The following HIVEP3 variants were observed in gnomAD, a reference collection of about 807,000 sequenced individuals.
HIVEP3 encodes the protein HIVEP zinc finger 3, also known as transcription factor HIVEP3.
HIVEP3 carries 49 observed loss-of-function variants against 152.8 expected under a neutral mutation model. The ratio of observed to expected loss-of-function variants is 0.32; its 90% CI spans 0.26 to 0.41. HIVEP3 has a LOEUF of 0.41. HIVEP3 is among the 10% of genes least tolerant of loss of function. The pLI is 1.00. For missense variants in HIVEP3, 2,790 were observed against 3,103.3 expected, an observed-to-expected ratio of 0.90 and a Z score of 2.40; for synonymous variants, 1,269 against 1,289.0, an observed-to-expected ratio of 0.98 and a Z score of 0.33.
chr1:41,773,317 G>A (rs1189226673), intron 1 of HIVEP3, among the ~76,000 whole-genome samples: 3 of 152,214 alleles, frequency 2.0e-5, no homozygotes, highest in Admixed American at 6.5e-5. Context: ...TATTCTCTCT[G>A]CTGGGCAAGG....
In HIVEP3 at chr1:41,926,333, C is replaced by T. The variant is rs114400750; in HGVS notation, n.120-7809G>A. 1.8e-3 allele frequency among the ~76,000 whole-genome samples: 271 copies of T among 152,242 alleles called. 1 individual carries two copies. Among genetic ancestry groups the T allele is most frequent in the African/African-American group, 6.3e-3 (262 of 41,536 alleles). ...CCCACTACAAGACCTTACATTTAGC[C>T]CTATTATGTTTCATATTATTCGAAT... is the stretch of plus-strand genomic sequence containing the variant. On this transcript the variant is annotated intron_variant and non_coding_transcript_variant, in intron 1 of 3. Coordinates refer to the HIVEP3 transcript ENST00000489103.
chr1:42,021,238 G>C (rs1645551879), intron 1 of HIVEP3, among the ~76,000 whole-genome samples: 1 of 152,096 alleles, frequency 6.6e-6, no homozygotes, highest in South Asian at 2.1e-4. Context: ...GTGCTGGCTT[G>C]GACTATGTTG....
intron 3 of HIVEP3, among the ~76,000 whole-genome samples, chr1:41,621,723 G>T (rs1054028977): frequency 1.6e-4 from 24 of 152,218 alleles, no homozygotes; most frequent in African/African-American, 5.8e-4. Flanking sequence ...TCACTACCTT[G>T]CCCATTCTAG....
chr1:41,737,252 G>A (rs554701612), intron 1 of HIVEP3, among the ~76,000 whole-genome samples: 1 of 152,312 alleles, frequency 6.6e-6, no homozygotes, highest in Admixed American at 6.5e-5. Flanking sequence ...GGGATGAATA[G>A]TACTACTGGC....
At chr1:41,965,807 C>A (rs181094190) in intron 1 of HIVEP3, among the ~76,000 whole-genome samples, 1 of 152,272 alleles carries the variant, frequency 6.6e-6, no homozygotes, top group African/African-American at 2.4e-5. Flanking sequence ...AAACATACAT[C>A]AAAATATCAT....
At chr1:41,734,799 C>T (rs1159765352) in intron 1 of HIVEP3, among the ~76,000 whole-genome samples, 1 of 152,138 alleles carries the variant, frequency 6.6e-6, no homozygotes, top group Admixed American at 6.5e-5. Flanking sequence ...TATCCACCAA[C>T]GTGGGTGGCT....
chr1:41,909,911 T>C (rs144845525), intron 1 of HIVEP3, among the ~76,000 whole-genome samples: 1 of 152,158 alleles, frequency 6.6e-6, no homozygotes, highest in Non-Finnish European at 1.5e-5. Flanking sequence ...CAGAACCAAA[T>C]TATATACAAA....
intron 3 of HIVEP3, among the ~76,000 whole-genome samples, chr1:41,601,114 T>G (rs1644742489): frequency 6.6e-6 from 1 of 152,210 alleles, no homozygotes; most frequent in Non-Finnish European, 1.5e-5. Flanking sequence ...TTGGTCTACA[T>G]GTCTGTCTTT....
chr1:41,986,077 T>C (rs1315898232), intron 1 of HIVEP3, among the ~76,000 whole-genome samples: 1 of 152,214 alleles, frequency 6.6e-6, no homozygotes, highest in African/African-American at 2.4e-5. Flanking sequence ...TCCAATTACA[T>C]GATGTGGCTC....
intron 2 of HIVEP3, among the ~76,000 whole-genome samples, chr1:41,655,582 CAAAAAA>C (rs55918119): frequency 0.076 from 4,341 of 57,458 alleles, 311 homozygotes; most frequent in East Asian, 0.41. Context: ...CACTCCATCT[CAAAAAA>C]AAAAAAAAAA....
intron 1 of HIVEP3, among the ~76,000 whole-genome samples, chr1:41,784,069 G>A (rs1047357451): frequency 1.3e-5 from 2 of 152,194 alleles, no homozygotes; most frequent in Non-Finnish European, 2.9e-5. Context: ...GTTTGCAGAG[G>A]GGCAGACAGG....
intron 1 of HIVEP3, among the ~76,000 whole-genome samples, chr1:41,789,987 T>A (rs1045732837): frequency 6.6e-6 from 1 of 152,212 alleles, no homozygotes; most frequent in Non-Finnish European, 1.5e-5. Context: ...TCAAACAAGA[T>A]AATCCCATGG....
chr1:41,729,091 G>A (rs1186891974), intron 1 of HIVEP3, among the ~76,000 whole-genome samples: 1 of 152,170 alleles, frequency 6.6e-6, no homozygotes, highest in East Asian at 1.9e-4. Flanking sequence ...AGCCATCCAG[G>A]AACAACCAGA....
intron 5 of HIVEP3, among the ~76,000 whole-genome samples, chr1:41,558,897 T>C (rs1471661311): frequency 6.6e-6 from 1 of 152,152 alleles, no homozygotes; most frequent in East Asian, 1.9e-4. Flanking sequence ...TGTGCAGCCC[T>C]GTCAGCTGTC....
intron 1 of HIVEP3, among the ~76,000 whole-genome samples, chr1:41,852,869 G>A (rs1266380281): frequency 1.3e-5 from 2 of 152,136 alleles, no homozygotes; most frequent in Non-Finnish European, 2.9e-5. Context: ...CCAGCAACTG[G>A]CTACTAACTA....
At chr1:41,892,796 C>T (rs1013139996) in intron 1 of HIVEP3, among the ~76,000 whole-genome samples, 1 of 152,052 alleles carries the variant, frequency 6.6e-6, no homozygotes, top group African/African-American at 2.4e-5. Flanking sequence ...TGAACGTGCC[C>T]AGCCAAAAAG....
chr1:41,951,712 G>A (rs977009509), intron 1 of HIVEP3, among the ~76,000 whole-genome samples: 1 of 152,100 alleles, frequency 6.6e-6, no homozygotes, highest in Non-Finnish European at 1.5e-5. Flanking sequence ...AGAGCAGCAG[G>A]GGACAGAATG....
intron 1 of HIVEP3, among the ~76,000 whole-genome samples, chr1:41,938,831 A>G (rs1289721632): frequency 6.6e-6 from 1 of 152,224 alleles, no homozygotes; most frequent in Non-Finnish European, 1.5e-5. Flanking sequence ...AATTTTCATC[A>G]GACTCTGCTC....
intron 1 of HIVEP3, among the ~76,000 whole-genome samples, chr1:41,897,828 T>C (rs921257007): frequency 5.8e-5 from 8 of 137,808 alleles, no homozygotes; most frequent in African/African-American, 2.2e-4. Flanking sequence ...AAGGACAGCA[T>C]GTGGTGGGTG....
Sources: gnomAD v4.1 joint callset for allele counts (sites outside exome capture counted in the v4.1 genomes callset) on GRCh38, gnomAD v4.1.1 for gene constraint, MANE v1.5 for transcripts, NCBI Gene and HGNC (gene_info 2026-07-23, HGNC 2026-07-21) for gene names.